MYCBP2: variants seen among roughly 807,000 people sequenced by gnomAD.
The protein encoded by MYCBP2 is E3 ubiquitin-protein ligase MYCBP2.
In MYCBP2, 120 loss-of-function variants were observed where a neutral mutation model predicts 525.3. The ratio of observed to expected loss-of-function variants is 0.23; its 90% confidence interval spans 0.20 to 0.27. The LOEUF (loss-of-function observed/expected upper bound fraction) is 0.27. Ranked by LOEUF, MYCBP2 falls within the 10% of genes least tolerant of loss-of-function variation. The probability of loss-of-function intolerance (pLI) is 1.00; values close to 1 mark genes in which losing one functional copy is unlikely to be tolerated. For missense variants in MYCBP2, 4,149 were observed against 5,657.1 expected (o/e 0.73, Z 8.55); for synonymous variants, 1,894 against 1,955.8 (o/e 0.97, Z 0.83).
chr13:77,176,443 T>G (rs1451016768), intron 36 of MYCBP2, 54 bp downstream of exon 36: 2 of 1,445,646 alleles, frequency 1.4e-6, no homozygotes, highest in Non-Finnish European at 9.3e-7. Context: ...CTTCACTATT[T>G]TAACTACATA....
chr13:77,077,033 G>A lies in MYCBP2; in HGVS notation c.11724+115C>T. On this transcript the variant is annotated intron_variant, in intron 67 of 82. Coordinates refer to ENST00000544440, the MANE Select transcript of MYCBP2 (RefSeq NM_015057.5). ...GTTTAGGGCTATGAAAAGAAAAAATGGGCAACATTTATAGCCAGAAATTTC... is the reference window on the plus strand; with the variant it reads ...GTTTAGGGCTATGAAAAGAAAAAATAGGCAACATTTATAGCCAGAAATTTC... 4 of 1,408,146 alleles carry A rather than the reference G, an allele frequency of 2.8e-6. No individual in the cohort carries two copies. The South Asian group carries it at 5.6e-5, about 20-fold the overall frequency. 87.2% of individuals were successfully genotyped at this position (1,408,146 alleles called of 1,614,324 possible).
chr13:77,273,613 G>T lies in MYCBP2; in HGVS notation c.804C>A (p.Asp268Glu), dbSNP rs1555452691. 1 of 1,593,500 alleles carries T rather than the reference G, an allele frequency of 6.3e-7. No individual in the cohort carries two copies. Among genetic ancestry groups the T allele is most frequent in the Non-Finnish European group, 8.5e-7 (1 of 1,173,456 alleles). Reference sequence around the variant, plus strand: ...GTGCTGTTAAGGACTGTCCTGTGCTGTCATTCATCCCAGTACTTCGAACGG... The same window carrying T: ...GTGCTGTTAAGGACTGTCCTGTGCTTTCATTCATCCCAGTACTTCGAACGG... ...EITVRSTGMN[D>E]STGQSLTALS... The change falls in exon 5 of 83, where the codon GAC becomes GAA. Residue 268 changes from aspartate (D) to glutamate (E), a missense_variant. Asp to Glu is a conservative substitution (Grantham distance 45, BLOSUM62 2). Coordinates refer to ENST00000544440, the MANE Select transcript of MYCBP2 (RefSeq NM_015057.5).
At chr13:77,254,258 A>C (rs2071753766) in intron 14 of MYCBP2, among the ~76,000 whole-genome samples, 1 of 151,914 alleles carries the variant, frequency 6.6e-6, no homozygotes, top group South Asian at 2.1e-4. Context: ...AAAAATATAT[A>C]AGAACATGAT....
chr13:77,292,561 C>T (rs1423354665), intron 2 of MYCBP2, among the ~76,000 whole-genome samples: 1 of 151,672 alleles, frequency 6.6e-6, no homozygotes, highest in Non-Finnish European at 1.5e-5. Flanking sequence ...AATATGATCA[C>T]ATTTATATGA....
chr13:77,169,766 T>G (rs1356989723), intron 38 of MYCBP2, 52 bp from the exon 39 acceptor site: 9 of 1,397,634 alleles, frequency 6.4e-6, no homozygotes, highest in Non-Finnish European at 8.1e-6. Context: ...GTAATTTCAT[T>G]GTACTGCATA....
intron 17 of MYCBP2, among the ~76,000 whole-genome samples, chr13:77,240,486 T>C (rs931220520): frequency 2.0e-5 from 3 of 152,082 alleles, no homozygotes; most frequent in South Asian, 2.1e-4. Flanking sequence ...CGGGCACCTG[T>C]AGTCCCAGCT....
At chr13:77,211,628 T>C (rs2064022096) in intron 22 of MYCBP2, among the ~76,000 whole-genome samples, 2 of 152,158 alleles carry the variant, frequency 1.3e-5, no homozygotes, top group Admixed American at 6.5e-5. Flanking sequence ...TAACCTCCCA[T>C]AAAAATTAAT....
At chr13:77,096,267 TG>T (rs755131442) in intron 57 of MYCBP2, 44 bp downstream of exon 57, 2 of 1,575,326 alleles carry the variant, frequency 1.3e-6, no homozygotes, top group South Asian at 2.3e-5. Context: ...TTTTATACAG[TG>T]TATCCATATC....
At position 77,243,144 on chromosome 13, in the gene MYCBP2, C is replaced by A. The variant is rs749438098; in HGVS notation, c.2544G>T (p.Gly848=). ...ACTGAAGGTGTTCTTCAATGTTAACCCCGGGCACTGGGACAGCTAGATGAT... is the reference window on the plus strand; with the variant it reads ...ACTGAAGGTGTTCTTCAATGTTAACACCGGGCACTGGGACAGCTAGATGAT... ...LDLLLAVPVP[G]VNIEEHLQLR... The change falls in exon 17 of 83, where the codon GGG becomes GGT. Residue 848 remains glycine, a synonymous_variant. Transcript: ENST00000544440. 4 of 1,613,918 alleles carry A rather than the reference C, an allele frequency of 2.5e-6. No individual in the cohort carries two copies. Among genetic ancestry groups the A allele is most frequent in the Admixed American group, 3.3e-5 (2 of 59,998 alleles).
chr13:77,317,081 C>G (rs932443463), intron 1 of MYCBP2, among the ~76,000 whole-genome samples: 3 of 152,122 alleles, frequency 2.0e-5, no homozygotes, highest in African/African-American at 7.2e-5. Flanking sequence ...TCCCAATTAG[C>G]TGGGATTACA....
chr13:77,062,448 A>G, intron 74 of MYCBP2, 148 bp downstream of exon 74: 1 of 665,144 alleles, frequency 1.5e-6, no homozygotes, highest in Non-Finnish European at 2.6e-6. Context: ...GACTTGTGAG[A>G]TGAACTTGGC....
At chr13:77,097,030 G>A (rs942961849) in intron 56 of MYCBP2, among the ~76,000 whole-genome samples, 5 of 152,124 alleles carry the variant, frequency 3.3e-5, no homozygotes, top group African/African-American at 1.2e-4. Flanking sequence ...TTCTGAACAG[G>A]AAAATAGTAA....
At chr13:77,276,330 G>A (rs1191490149) in intron 4 of MYCBP2, among the ~76,000 whole-genome samples, 4 of 151,552 alleles carry the variant, frequency 2.6e-5, no homozygotes, top group South Asian at 2.1e-4. Context: ...TGAATAACAC[G>A]AAAACAACCG....
At chr13:77,182,487 T>C (rs1317910763) in intron 32 of MYCBP2, among the ~76,000 whole-genome samples, 1 of 152,234 alleles carries the variant, frequency 6.6e-6, no homozygotes, top group Non-Finnish European at 1.5e-5. Context: ...ACACATTACC[T>C]AGTCCTTCAA....
At chr13:77,312,660 C>T (rs2080407321) in intron 1 of MYCBP2, among the ~76,000 whole-genome samples, 1 of 151,454 alleles carries the variant, frequency 6.6e-6, no homozygotes, top group Admixed American at 6.6e-5. Context: ...AATATAATCC[C>T]AAAGAAGCAG....
intron 34 of MYCBP2, among the ~76,000 whole-genome samples, 170 bp downstream of exon 34, chr13:77,179,957 A>C (rs751576053): frequency 3.3e-5 from 5 of 152,214 alleles, no homozygotes; most frequent in Non-Finnish European, 7.3e-5. Flanking sequence ...AGAAGTAACA[A>C]ATCAGAGAAA....
chr13:77,240,464 C>T (rs1414721964), intron 17 of MYCBP2, among the ~76,000 whole-genome samples: 8 of 152,010 alleles, frequency 5.3e-5, no homozygotes, highest in African/African-American at 1.9e-4. Context: ...AAAAATTAGC[C>T]AGGCGTGGTG....
In MYCBP2 at chr13:77,211,959, T is replaced by C. The variant is rs1246944676; in HGVS notation, c.3259A>G (p.Ile1087Val). ...ATTTGTTTATTTCTGGTATTACCTA[T>C]TATGTGTTTACTGGCAAAAATTTCT... ...TSEIFASKHI[I>V]GLVPASISEP... Residue 1087 changes from isoleucine to valine, a missense_variant, in exon 22 of 83, where the codon ATA (isoleucine) becomes GTA (valine). Transcript: ENST00000544440. The C allele has an allele frequency of 4.3e-6, 7 of 1,612,032 alleles. No individual in the cohort carries two copies. The highest frequency in any genetic ancestry group is 5.9e-6 in the Non-Finnish European group (7 of 1,178,284).
intron 55 of MYCBP2, among the ~76,000 whole-genome samples, chr13:77,114,613 T>C (rs2154149575): frequency 6.6e-6 from 1 of 152,234 alleles, no homozygotes; most frequent in African/African-American, 2.4e-5. Context: ...GAATGTGACT[T>C]ATGAGTATAA....
Sources: allele counts gnomAD v4.1 joint callset (sites outside exome capture counted in the v4.1 genomes callset), GRCh38; gene constraint gnomAD v4.1.1; transcripts MANE v1.5; gene names NCBI Gene and HGNC (gene_info 2026-07-23, HGNC 2026-07-21).